The following LONRF3 variants were observed in gnomAD, a reference collection of about 807,000 sequenced individuals.
LONRF3 encodes LON peptidase N-terminal domain and RING finger protein 3.
Under a neutral mutation model 51.7 loss-of-function variants are expected in LONRF3, and 19 were observed. That is an observed-to-expected ratio of 0.37 (90% confidence interval 0.26 to 0.54). The LOEUF (loss-of-function observed/expected upper bound fraction) is 0.54, where lower values mean the gene tolerates loss of function less well. Ranked by LOEUF, LONRF3 falls within the 20% of genes least tolerant of loss-of-function variation. The pLI is 0.86. For synonymous variants in LONRF3, 265 were observed against 257.8 expected (o/e 1.03, Z -0.27); for missense variants, 521 against 623.9 (o/e 0.84, Z 1.76).
intron 5 of LONRF3, among the ~76,000 whole-genome samples, chrX:119,000,686 T>C (rs1179572450): frequency 1.8e-5 from 2 of 111,451 alleles, no homozygotes; most frequent in Non-Finnish European, 3.8e-5. Flanking sequence ...CAGTGACCTC[T>C]TTGTCAATTC....
Position 119,013,187 on chromosome X carries a change from A to G in LONRF3, c.1960A>G (p.Ile654Val), listed in dbSNP as rs766262867. The G allele has an allele frequency of 1.5e-5, 18 of 1,208,452 alleles. No individual in the cohort carries two copies. The East Asian group carries it at 4.7e-4, about 32-fold the overall frequency. ...CTACAACACAGCCGACATTGAATAC[A>G]TTGAAGACCAAAAGGTAAGGGTGGC... Reference protein sequence around the residue: ...DGYNTADIEYIEDQKVQGEDC... With the variant: ...DGYNTADIEYVEDQKVQGEDC... The change falls in exon 9 of 11, where the codon ATT becomes GTT. Residue 654 changes from isoleucine to valine, a missense_variant. Transcript: ENST00000371628.
In LONRF3 at chrX:119,016,788, A is replaced by G. The variant is rs112411266; in HGVS notation, c.2125-747A>G. On this transcript the variant is annotated intron_variant, in intron 10 of 10. Transcript: ENST00000371628. The stretch of plus-strand genomic sequence containing the variant: ...GGCCCTGTATAGTGACATGGTATAC[A>G]TGGACTATTGCCTTCAGCCACATCA... Among the ~76,000 whole-genome samples the G allele has an allele frequency of 4.9e-3, 551 of 112,137 alleles. 3 individuals carry two copies. The highest frequency in any genetic ancestry group is 0.017 in the African/African-American group (522 of 30,881).
Position 118,975,548 on chromosome X carries a change from G to C in LONRF3, c.768G>C (p.Glu256Asp). 8.3e-7 allele frequency: 1 copy of C among 1,199,280 alleles called. No individual in the cohort carries two copies. Among genetic ancestry groups the C allele is most frequent in the Non-Finnish European group, 1.1e-6 (1 of 891,023 alleles). Residue 256 changes from glutamate to aspartate, a missense_variant, in exon 1 of 11, where the codon GAG becomes GAC. By Grantham distance (45) the Glu-to-Asp change is conservative (BLOSUM62 2). Coordinates refer to ENST00000371628, the MANE Select transcript of LONRF3 (RefSeq NM_001031855.3). ...LRHEGNRLYR[E>D]RQVEAALLKY... ...ACGAGGGCAACCGACTGTACCGCGA[G>C]CGCCAGGTGGAGGCGGCACTGCTCA...
At position 119,010,937 on chromosome X, in the gene LONRF3, A is replaced by G. The variant is rs767228641; in HGVS notation, c.1653-878A>G. Among the ~76,000 whole-genome samples, 16 of 109,656 alleles carry G rather than the reference A, an allele frequency of 1.5e-4. No individual in the cohort carries two copies. The East Asian group carries it at 2.0e-3, about 14-fold the overall frequency. ...AAGACCAGCCTGCCCAGCATGGTGA[A>G]ACCCCATCTCTAATAAAATTACAAA... On this transcript the variant is annotated intron_variant, in intron 7 of 10. Coordinates refer to ENST00000371628, the MANE Select transcript of LONRF3 (RefSeq NM_001031855.3).
intron 7 of LONRF3, among the ~76,000 whole-genome samples, chrX:119,009,895 G>A (rs1221787031): frequency 3.6e-5 from 4 of 110,721 alleles, no homozygotes; most frequent in Non-Finnish European, 7.6e-5. Flanking sequence ...TCAGCCACCC[G>A]AGTAGCTGAG....
chrX:119,002,579 A>G (rs1377264611), intron 5 of LONRF3, among the ~76,000 whole-genome samples: 1 of 111,393 alleles, frequency 9.0e-6, no homozygotes, highest in African/African-American at 3.3e-5. Context: ...CAACATTGCT[A>G]TAAACATTGT....
In LONRF3 at chrX:118,978,456, G is replaced by A. The variant is rs1241481680; in HGVS notation, c.929G>A (p.Gly310Asp). 1.7e-6 allele frequency: 2 copies of A among 1,176,680 alleles called. No homozygotes were observed. The highest frequency in any genetic ancestry group is 2.3e-6 in the Non-Finnish European group (2 of 864,848). The change falls in exon 2 of 11, where the codon GGT (glycine) becomes GAT (aspartate). Residue 310 changes from glycine to aspartate, a missense_variant. This residue lies in a region of LONRF3 where 376 missense variants were observed against 376.7 expected (regional missense o/e 1.00). Coordinates refer to ENST00000371628, the MANE Select transcript of LONRF3 (RefSeq NM_001031855.3). ...ATAGCATGTAAGCTCCGCCCGATGG[G>A]TTTTAAGGTGAGTGTGGGATGGAAG... ...AEIACKLRPM[G>D]FKAHFRKAQA...
intron 8 of LONRF3, 64 bp downstream of exon 8, chrX:119,012,037 G>A: frequency 1.8e-6 from 2 of 1,123,645 alleles, no homozygotes; most frequent in South Asian, 1.9e-5. Context: ...TTTACTTTGG[G>A]GTACTCCCAG....
At chrX:119,012,126 G>A (rs750364488) in intron 8 of LONRF3, among the ~76,000 whole-genome samples, 153 bp downstream of exon 8, 2 of 111,312 alleles carry the variant, frequency 1.8e-5, no homozygotes, top group South Asian at 7.7e-4. Context: ...CCCTTTGGTG[G>A]TTAGTTTACC....
chrX:118,978,470 G>C lies in LONRF3; in HGVS notation c.936+7G>C. On this transcript the variant is annotated splice_region_variant and intron_variant, in intron 2 of 10. Coordinates refer to ENST00000371628, the MANE Select transcript of LONRF3 (RefSeq NM_001031855.3). ...CCGCCCGATGGGTTTTAAGGTGAGT[G>C]TGGGATGGAAGAGGTGGGAAGGGGT... The C allele has an allele frequency of 8.7e-7, 1 of 1,145,099 alleles. No individual in the cohort carries two copies. Among genetic ancestry groups the C allele is most frequent in the Non-Finnish European group, 1.2e-6 (1 of 836,658 alleles). 94.4% of individuals were successfully genotyped at this position (1,145,099 alleles called of 1,213,427 possible). A position where few individuals can be genotyped will look rare whatever the true frequency, so the allele number is the denominator to read the frequency against.
chrX:119,015,541 C>A (rs1456896347), intron 10 of LONRF3, among the ~76,000 whole-genome samples: 1 of 111,940 alleles, frequency 8.9e-6, no homozygotes, highest in Non-Finnish European at 1.9e-5. Context: ...TGTGACCCAG[C>A]TCCTGGCTCT....
At chrX:118,995,657 T>C (rs1320123456) in intron 5 of LONRF3, among the ~76,000 whole-genome samples, 2 of 111,934 alleles carry the variant, frequency 1.8e-5, no homozygotes, top group Non-Finnish European at 3.8e-5. Flanking sequence ...AAACAGGAGA[T>C]ACCACAACTG....
rs979736549 is a variant in LONRF3 at position 119,000,906 on chromosome X, TCTC to T, written c.1416-5206_1416-5204del. Reference sequence around the variant, plus strand: ...CTCCCTCTCCTTCTCCCCTCCCTCCTCTCCTCCTCCTTTCCTCTTTGCTCTCAT... The same window carrying T: ...CTCCCTCTCCTTCTCCCCTCCCTCCTCTCCTCCTTTCCTCTTTGCTCTCAT... On this transcript the variant is annotated intron_variant, in intron 5 of 10. Coordinates refer to ENST00000371628, the MANE Select transcript of LONRF3 (RefSeq NM_001031855.3). Among the ~76,000 whole-genome samples the T allele has an allele frequency of 1.2e-4, 12 of 104,132 alleles. No homozygotes were observed. The South Asian group carries it at 5.2e-3, about 46-fold the overall frequency. 90.4% of individuals were successfully genotyped at this position (104,132 alleles called of 115,157 possible).
Position 118,989,404 on chromosome X carries a change from C to T in LONRF3, c.1060-4C>T. ...TTCTGATATGTGGCCCTTTCTTCAT[C>T]CAGGACAATCTGGAGCTCCCACATT... On this transcript the variant is annotated splice_polypyrimidine_tract_variant and splice_region_variant and intron_variant, in intron 3 of 10. Coordinates refer to ENST00000371628, the MANE Select transcript of LONRF3 (RefSeq NM_001031855.3). 3 of 1,210,034 alleles carry T rather than the reference C, an allele frequency of 2.5e-6. No homozygotes were observed. Among genetic ancestry groups the T allele is most frequent in the Non-Finnish European group, 3.4e-6 (3 of 894,730 alleles).
rs1435042825 is a variant in LONRF3 at position 118,975,498 on chromosome X, C to T, written c.718C>T (p.Pro240Ser). The T allele has an allele frequency of 5.0e-6, 6 of 1,202,780 alleles. No homozygotes were observed. The highest frequency in any genetic ancestry group is 3.5e-5 in the African/African-American group (2 of 56,981). Residue 240 changes from proline to serine, a missense_variant, in exon 1 of 11, where the codon CCA becomes TCA. Around this residue, in one of 2 missense-constraint regions of LONRF3, gnomAD observed 376 missense variants for 376.7 expected, o/e 1.00. Transcript: ENST00000371628. Reference protein sequence around the residue: ...SGLLGKLFPGPARASQLRHEG... With the variant: ...SGLLGKLFPGSARASQLRHEG... ...CCTCCTCGGCAAGTTGTTTCCAGGC[C>T]CAGCGCGAGCGTCGCAACTCCGGCA... is the stretch of plus-strand genomic sequence containing the variant.
In LONRF3 at chrX:118,989,589, G is replaced by A. The variant is rs140414620; in HGVS notation, c.1241G>A (p.Gly414Glu). 3.3e-6 allele frequency: 4 copies of A among 1,209,450 alleles called. No homozygotes were observed. The highest frequency in any genetic ancestry group is 4.5e-6 in the Non-Finnish European group (4 of 894,964). ...CCAAAAGCTGCTTCCAGCAAGACTGGAAAATGCCAGGAAAAGAAAAGGAAA... is the reference window on the plus strand; with the variant it reads ...CCAAAAGCTGCTTCCAGCAAGACTGAAAAATGCCAGGAAAAGAAAAGGAAA... Reference protein sequence around the residue: ...TSPKAASSKTGKCQEKKRKHC... With the variant: ...TSPKAASSKTEKCQEKKRKHC... Residue 414 changes from glycine (G) to glutamate (E), a missense_variant, in exon 4 of 11, where the codon GGA becomes GAA. Transcript: ENST00000371628.
intron 5 of LONRF3, among the ~76,000 whole-genome samples, chrX:119,004,495 T>C (rs1051886638): frequency 1.8e-5 from 2 of 112,558 alleles, no homozygotes; most frequent in African/African-American, 6.5e-5. Flanking sequence ...ATTAATGGGA[T>C]TGTGTAACAC....
intron 3 of LONRF3, among the ~76,000 whole-genome samples, chrX:118,986,401 G>A (rs1922969961): frequency 9.0e-6 from 1 of 111,602 alleles, no homozygotes; most frequent in Non-Finnish European, 1.9e-5. Flanking sequence ...TGATGGTGGG[G>A]AGAGGAGGAA....
intron 5 of LONRF3, among the ~76,000 whole-genome samples, chrX:118,992,308 A>G (rs1001998740): frequency 2.7e-5 from 3 of 111,617 alleles, no homozygotes; most frequent in Non-Finnish European, 3.8e-5. Context: ...CCTCCTGGAA[A>G]CAGACTTGGA....
Sources: allele counts gnomAD v4.1 joint callset (sites outside exome capture counted in the v4.1 genomes callset), GRCh38; gene constraint gnomAD v4.1.1; regional missense constraint gnomAD v4.1.1; transcripts MANE v1.5; gene names NCBI Gene and HGNC (gene_info 2026-07-23, HGNC 2026-07-21).